The following CFAP299 variants were observed in gnomAD, a reference collection of about 807,000 sequenced individuals.
The protein encoded by CFAP299 is cilia- and flagella-associated protein 299.
CFAP299 carries 21 observed loss-of-function variants against 27.0 expected under a neutral mutation model. That is an observed-to-expected ratio of 0.78 (90% CI 0.55 to 1.12). CFAP299 has a LOEUF of 1.12. CFAP299 is among the 50% of genes most tolerant of loss of function. The pLI, the probability that CFAP299 is intolerant of heterozygous loss-of-function variation, is 0.00. For missense variants in CFAP299, 310 were observed against 276.6 expected (o/e 1.12, Z -0.86); for synonymous variants, 104 against 98.1 (o/e 1.06, Z -0.36).
chr4:80,856,938 A>G (rs1418147504), intron 3 of CFAP299, among the ~76,000 whole-genome samples: 1 of 151,898 alleles, frequency 6.6e-6, no homozygotes, highest in East Asian at 1.9e-4. Context: ...CAATTCTGTG[A>G]AGAAAGTCAT....
Position 80,365,201 on chromosome 4 carries a change from A to T in CFAP299, c.242+2317A>T, listed in dbSNP as rs146421187. On this transcript the variant is annotated intron_variant, in intron 2 of 5. Coordinates refer to ENST00000358105, the MANE Select transcript of CFAP299 (RefSeq NM_152770.3). ...GGCAAACAATGGTTGAATAATTTAC[A>T]CTCCCACCAACAGTGTAAAAGTGTT... is the stretch of plus-strand genomic sequence containing the variant. Among the ~76,000 whole-genome samples, 494 of 152,104 alleles carry T rather than the reference A, an allele frequency of 3.2e-3. 4 individuals are homozygous for T. Among genetic ancestry groups the T allele is most frequent in the African/African-American group, 0.011 (457 of 41,466 alleles).
At chr4:80,898,164 G>A (rs1044990348) in intron 4 of CFAP299, among the ~76,000 whole-genome samples, 6 of 152,092 alleles carry the variant, frequency 3.9e-5, no homozygotes, top group Admixed American at 2.0e-4. Context: ...CTCATTGCTC[G>A]AGCTCTTGAC....
intron 4 of CFAP299, among the ~76,000 whole-genome samples, chr4:80,927,933 C>T (rs1367509110): frequency 1.3e-5 from 2 of 152,120 alleles, no homozygotes; most frequent in African/African-American, 2.4e-5. Context: ...GGATAGATCA[C>T]AGGTGATATT....
intron 4 of CFAP299, among the ~76,000 whole-genome samples, chr4:80,918,851 G>A (rs370749539): frequency 2.0e-5 from 3 of 152,238 alleles, no homozygotes; most frequent in South Asian, 2.1e-4. Flanking sequence ...TGCATCAGAA[G>A]TTCCGGGTTC....
chr4:80,739,951 T>A (rs1422540025), intron 3 of CFAP299, among the ~76,000 whole-genome samples: 1 of 152,224 alleles, frequency 6.6e-6, no homozygotes, highest in Non-Finnish European at 1.5e-5. Context: ...AAAATACTGA[T>A]GCATTCTTCA....
chr4:80,945,414 C>A (rs939577220), intron 5 of CFAP299, among the ~76,000 whole-genome samples: 1 of 152,136 alleles, frequency 6.6e-6, no homozygotes, highest in African/African-American at 2.4e-5. Context: ...TTGGAAAACA[C>A]TTTTATTTAA....
rs113713458 is a variant in CFAP299 at position 80,480,506 on chromosome 4, G to T, written c.243-102587G>T. 4.6e-5 allele frequency among the ~76,000 whole-genome samples: 7 copies of T among 152,066 alleles called. 1 individual carries two copies. Among genetic ancestry groups the T allele is most frequent in the African/African-American group, 1.7e-4 (7 of 41,530 alleles). ...TATGTTAGTTGACTACTTCTGATTGGTTGAGTTTAAATTCTGTTTTTCTCT... is the reference window on the plus strand; with the variant it reads ...TATGTTAGTTGACTACTTCTGATTGTTTGAGTTTAAATTCTGTTTTTCTCT... On this transcript the variant is annotated intron_variant, in intron 2 of 5. Coordinates refer to ENST00000358105, the MANE Select transcript of CFAP299 (RefSeq NM_152770.3).
intron 2 of CFAP299, among the ~76,000 whole-genome samples, chr4:80,482,762 C>T (rs1027397): frequency 0.42 from 63,514 of 152,054 alleles, 15,353 homozygotes; most frequent in African/African-American, 0.67. Context: ...ATATGCTCCA[C>T]CCAGTAGACA....
At chr4:80,604,987 GA>G (rs1737579651) in intron 3 of CFAP299, among the ~76,000 whole-genome samples, 1 of 151,774 alleles carries the variant, frequency 6.6e-6, no homozygotes, top group South Asian at 2.1e-4. Context: ...GTTTGAGCTG[GA>G]AAAAAAGTAA....
intron 3 of CFAP299, among the ~76,000 whole-genome samples, chr4:80,767,833 C>G (rs1452717310): frequency 6.6e-6 from 1 of 152,142 alleles, no homozygotes; most frequent in Non-Finnish European, 1.5e-5. Flanking sequence ...TTTTGAGTAA[C>G]TTAGGTTGAC....
chr4:80,801,520 A>T (rs1260813017), intron 3 of CFAP299, among the ~76,000 whole-genome samples: 1 of 152,108 alleles, frequency 6.6e-6, no homozygotes, highest in African/African-American at 2.4e-5. Context: ...TTAAATTCAC[A>T]TATATAAGAG....
intron 3 of CFAP299, among the ~76,000 whole-genome samples, chr4:80,691,028 C>A (rs368746543): frequency 2.2e-5 from 3 of 137,360 alleles, no homozygotes; most frequent in Admixed American, 7.6e-5. Context: ...CAATAACAGG[C>A]TCTGAAATTG....
At chr4:80,362,542 G>A (rs1465075245) in intron 1 of CFAP299, among the ~76,000 whole-genome samples, 2 of 151,818 alleles carry the variant, frequency 1.3e-5, no homozygotes, top group Non-Finnish European at 2.9e-5. Context: ...AAATATATGG[G>A]AAAGGGAAGA....
chr4:80,493,231 T>C (rs1187928902), intron 2 of CFAP299, among the ~76,000 whole-genome samples: 1 of 152,188 alleles, frequency 6.6e-6, no homozygotes, highest in East Asian at 1.9e-4. Flanking sequence ...CACTTGAATA[T>C]AAAACTTTCT....
chr4:80,803,643 C>T (rs1728721950), intron 3 of CFAP299, among the ~76,000 whole-genome samples: 1 of 151,124 alleles, frequency 6.6e-6, no homozygotes, highest in African/African-American at 2.4e-5. Context: ...TTCTAGTAAC[C>T]ATATTCAAAA....
chr4:80,850,208 A>G (rs1731432829), intron 3 of CFAP299, among the ~76,000 whole-genome samples: 1 of 150,038 alleles, frequency 6.7e-6, no homozygotes, highest in Non-Finnish European at 1.5e-5. Flanking sequence ...ACCTAAAATT[A>G]TGGCATAGCT....
chr4:80,603,431 C>T (rs1390194692), intron 3 of CFAP299, among the ~76,000 whole-genome samples: 1 of 152,064 alleles, frequency 6.6e-6, no homozygotes, highest in African/African-American at 2.4e-5. Context: ...CACATATATA[C>T]ATGCACACAC....
chr4:80,403,568 G>A (rs1264020598), intron 2 of CFAP299, among the ~76,000 whole-genome samples: 3 of 152,152 alleles, frequency 2.0e-5, no homozygotes, highest in African/African-American at 2.4e-5. Flanking sequence ...ATCCATCAGT[G>A]TATGACTGGC....
chr4:80,705,147 A>G (rs329398), intron 3 of CFAP299, among the ~76,000 whole-genome samples: 107,812 of 151,694 alleles, frequency 0.71, 41,507 homozygotes, highest in Non-Finnish European at 0.85. Context: ...ATTAAATAAT[A>G]TAATAGTAAC....
Sources: allele counts gnomAD v4.1 joint callset (sites outside exome capture counted in the v4.1 genomes callset), GRCh38; gene constraint gnomAD v4.1.1; transcripts MANE v1.5; gene names NCBI Gene and HGNC (gene_info 2026-07-23, HGNC 2026-07-21).